Variants in LMNTD1 observed in about 807,000 individuals in gnomAD.
The protein encoded by LMNTD1 is lamin tail domain-containing protein 1.
LMNTD1 carries 35 observed loss-of-function variants against 50.9 expected under a neutral mutation model. That is an observed-to-expected ratio of 0.69 (90% CI 0.53 to 0.91). The LOEUF is 0.91. Among genes scored for constraint, LMNTD1 ranks in the 40% least tolerant of loss-of-function variants. The pLI is 0.00. For synonymous variants in LMNTD1, 153 were observed against 161.9 expected (o/e 0.94, Z 0.42); for missense variants, 470 against 475.5 (o/e 0.99, Z 0.11).
chr12:25,534,673 T>C (rs547302153), intron 4 of LMNTD1, among the ~76,000 whole-genome samples: 3 of 152,152 alleles, frequency 2.0e-5, no homozygotes, highest in Non-Finnish European at 4.4e-5. Flanking sequence ...AAAGACTATT[T>C]TGAAAAGATT....
At chr12:25,544,321 C>T (rs767347507) in intron 4 of LMNTD1, among the ~76,000 whole-genome samples, 1 of 151,040 alleles carries the variant, frequency 6.6e-6, no homozygotes, top group Non-Finnish European at 1.5e-5. Context: ...TATATAGTGA[C>T]CTTCTTTGTC....
chr12:25,579,327 A>G (rs1945176119), intron 1 of LMNTD1, among the ~76,000 whole-genome samples: 1 of 152,270 alleles, frequency 6.6e-6, no homozygotes, highest in Non-Finnish European at 1.5e-5. Flanking sequence ...TATATATAGC[A>G]TTTACATTGT....
chr12:25,520,054 T>C lies in LMNTD1; in HGVS notation c.820A>G (p.Ile274Val). 6.2e-7 allele frequency: 1 copy of C among 1,611,456 alleles called. No individual in the cohort carries two copies. The highest frequency in any genetic ancestry group is 8.5e-7 in the Non-Finnish European group (1 of 1,178,852). Residue 274 changes from isoleucine to valine, a missense_variant, in exon 7 of 10, where the codon ATC becomes GTC. Ile to Val is a conservative substitution (Grantham distance 29). Transcript: ENST00000458174. Reference protein sequence around the residue: ...NGQAIAWYTPIHWKQAWEKLD... With the variant: ...NGQAIAWYTPVHWKQAWEKLD... ...TTTTCCCACGCTTGCTTCCAGTGGA[T>C]AGGGGTGTACCACGCAATGGCCTAA...
At chr12:25,536,275 C>A (rs1025392487) in intron 4 of LMNTD1, among the ~76,000 whole-genome samples, 1 of 152,102 alleles carries the variant, frequency 6.6e-6, no homozygotes, top group African/African-American at 2.4e-5. Flanking sequence ...AATACATATT[C>A]TTTTCAAGTG....
At chr12:25,573,966 C>T (rs1467630366) in intron 1 of LMNTD1, among the ~76,000 whole-genome samples, 1 of 152,178 alleles carries the variant, frequency 6.6e-6, no homozygotes, top group Non-Finnish European at 1.5e-5. Flanking sequence ...AAACCTACCA[C>T]TGTTGATTAT....
At chr12:25,561,682 G>A (rs1254705241) in intron 1 of LMNTD1, among the ~76,000 whole-genome samples, 1 of 152,072 alleles carries the variant, frequency 6.6e-6, no homozygotes, top group Non-Finnish European at 1.5e-5. Context: ...CTGAGTTCAG[G>A]TCCTGGATAT....
intron 1 of LMNTD1, among the ~76,000 whole-genome samples, chr12:25,646,395 A>G (rs1422896894): frequency 2.0e-5 from 3 of 152,022 alleles, no homozygotes. Context: ...CTGTCTTCTC[A>G]GATTCATCTT....
intron 1 of LMNTD1, among the ~76,000 whole-genome samples, chr12:25,594,473 T>C (rs549733807): frequency 6.6e-6 from 1 of 152,006 alleles, no homozygotes; most frequent in Admixed American, 6.6e-5. Flanking sequence ...AAGGATCTTA[T>C]ATGAAGGAAA....
At chr12:25,519,082 T>A in intron 7 of LMNTD1, 115 bp from the exon 8 acceptor site, 1 of 982,154 alleles carries the variant, frequency 1.0e-6, no homozygotes, top group Non-Finnish European at 1.5e-6. Flanking sequence ...TATGACTTTT[T>A]AAACTTTGTG....
chr12:25,610,053 G>A (rs906075934), intron 1 of LMNTD1, among the ~76,000 whole-genome samples: 7 of 152,184 alleles, frequency 4.6e-5, no homozygotes, highest in Non-Finnish European at 7.3e-5. Flanking sequence ...CAGCAATGGC[G>A]GACGCCCCTT....
intron 1 of LMNTD1, among the ~76,000 whole-genome samples, chr12:25,635,056 A>G (rs1946799743): frequency 6.6e-6 from 1 of 152,036 alleles, no homozygotes; most frequent in Non-Finnish European, 1.5e-5. Flanking sequence ...CCTGATCAAC[A>G]TGGAGAAACC....
At chr12:25,640,176 C>T (rs1592130311) in intron 1 of LMNTD1, among the ~76,000 whole-genome samples, 1 of 151,988 alleles carries the variant, frequency 6.6e-6, no homozygotes, top group South Asian at 2.1e-4. Context: ...TGACTGCTAA[C>T]GAGTGTGAAG....
At chr12:25,553,427 T>C (rs1479317852), upstream of LMNTD1, 4 of 292,944 alleles carry the variant, frequency 1.4e-5, no homozygotes, top group African/African-American at 6.6e-5. Flanking sequence ...AATTTGCTCT[T>C]AGGAAAGCCA....
intron 8 of LMNTD1, among the ~76,000 whole-genome samples, chr12:25,509,296 T>TG (rs962234148): frequency 1.1e-4 from 16 of 152,012 alleles, no homozygotes; most frequent in African/African-American, 3.9e-4. Context: ...TTAGTAGAGA[T>TG]GGGGTTTCAC....
chr12:25,546,697 A>C, intron 3 of LMNTD1, 143 bp from the exon 4 acceptor site: 1 of 458,598 alleles, frequency 2.2e-6, no homozygotes, highest in Non-Finnish European at 3.6e-6. Flanking sequence ...CTTAATGAGA[A>C]TAGTTAGAAG....
intron 9 of LMNTD1, among the ~76,000 whole-genome samples, chr12:25,486,842 C>T (rs1938662527): frequency 6.6e-6 from 1 of 151,278 alleles, no homozygotes; most frequent in South Asian, 2.1e-4. Flanking sequence ...GCCTTGCATG[C>T]CAGGGATGAA....
chr12:25,620,442 GTTTCT>G (rs1946447157), intron 1 of LMNTD1, among the ~76,000 whole-genome samples: 1 of 151,512 alleles, frequency 6.6e-6, no homozygotes, highest in South Asian at 2.1e-4. Flanking sequence ...TAAATTTCTA[GTTTCT>G]TTTTTGTTGT....
chr12:25,524,836 C>A (rs1024856043), intron 6 of LMNTD1, among the ~76,000 whole-genome samples: 2 of 152,134 alleles, frequency 1.3e-5, no homozygotes, highest in Non-Finnish European at 2.9e-5. Flanking sequence ...TTCGAGCCCA[C>A]AAGGAGATCT....
In LMNTD1 at chr12:25,587,434, G is replaced by A. The variant is rs527518413; in HGVS notation, c.59-40880C>T. Among the ~76,000 whole-genome samples the A allele has an allele frequency of 1.3e-3, 205 of 152,332 alleles. 1 individual carries two copies. The highest frequency in any genetic ancestry group is 4.7e-3 in the African/African-American group (197 of 41,584). ...CAGAAAGGGAAGCAGGAGCAGGCAC[G>A]TCATATGGCGAGAGCAGAAGCAAGA... On this transcript the variant is annotated intron_variant, in intron 1 of 7. Coordinates refer to the LMNTD1 transcript ENST00000445693.
Sources: gnomAD v4.1 joint callset for allele counts (sites outside exome capture counted in the v4.1 genomes callset) on GRCh38, gnomAD v4.1.1 for gene constraint, MANE v1.5 for transcripts, NCBI Gene and HGNC (gene_info 2026-07-23, HGNC 2026-07-21) for gene names.